DEFB116: variants seen among roughly 807,000 people sequenced by gnomAD.
DEFB116 encodes defensin beta 116, also known as beta-defensin 116.
Under a neutral mutation model 2.8 loss-of-function variants are expected in DEFB116, and 5 were observed. The ratio of observed to expected loss-of-function variants is 1.80; its 90% CI spans 0.94 to 3.79. The LOEUF is 3.79. Ranked by LOEUF, DEFB116 falls within the 30% of genes most tolerant of loss-of-function variation. The pLI is 0.00. For synonymous variants in DEFB116, 56 were observed against 40.8 expected (o/e 1.37, Z -1.42); for missense variants, 170 against 118.0 (o/e 1.44, Z -2.04).
chr20:31,303,548 G>A, intron 1 of DEFB116, 95 bp from the exon 2 acceptor site: 1 of 1,501,364 alleles, frequency 6.7e-7, no homozygotes, highest in Non-Finnish European at 8.9e-7. Context: ...ACTATTAAGG[G>A]CACAAGATCT....
chr20:31,303,730 T>A (rs1984934845), intron 1 of DEFB116, among the ~76,000 whole-genome samples: 1 of 152,102 alleles, frequency 6.6e-6, no homozygotes, highest in South Asian at 2.1e-4. Flanking sequence ...TATGTAGTAT[T>A]TTCAAAAAAG....
In DEFB116 at chr20:31,303,253, T is replaced by C; in HGVS notation, c.268A>G (p.Asn90Asp). ...NVKEDYDSNSNLSVTNSSSYS... is the reference protein window; with the variant it reads ...NVKEDYDSNSDLSVTNSSSYS... ...CTTGAACTGTTTGTAACTGACAAGT[T>C]GGAGTTAGAGTCGTAATCCTCCTTC... Residue 90 changes from asparagine to aspartate, a missense_variant, in exon 2 of 2, where the codon AAC becomes GAC. By Grantham distance (23) the Asn-to-Asp change is conservative (BLOSUM62 1). Transcript: ENST00000400549. 6.2e-7 allele frequency: 1 copy of C among 1,613,564 alleles called. No homozygotes were observed.
At chr20:31,306,886 G>T (rs1600470142) in intron 1 of DEFB116, among the ~76,000 whole-genome samples, 1 of 152,068 alleles carries the variant, frequency 6.6e-6, no homozygotes, top group Non-Finnish European at 1.5e-5. Context: ...CTCTATCTCA[G>T]CCATCTACAG....
At chr20:31,303,489 G>T in intron 1 of DEFB116, 36 bp from the exon 2 acceptor site, 1 of 1,610,290 alleles carries the variant, frequency 6.2e-7, no homozygotes, top group Non-Finnish European at 8.5e-7. Flanking sequence ...TTTCCATGCA[G>T]CAGTGATAAT....
At chr20:31,307,449 GAAACTATAAAACTCCTAGGAGA>G (rs1430666428) in intron 1 of DEFB116, among the ~76,000 whole-genome samples, 1 of 152,040 alleles carries the variant, frequency 6.6e-6, no homozygotes, top group Non-Finnish European at 1.5e-5. Flanking sequence ...TCTAAGACCT[GAAACTATAAAACTCCTAGGAGA>G]AAACATAGAG....
chr20:31,303,374 G>T lies in DEFB116; in HGVS notation c.147C>A (p.Asn49Lys), dbSNP rs1161720259. Reference sequence around the variant, plus strand: ...ATTGGATTTCATATTCTCTGCAGGCGTTTCTGCACATGCCTTGGTAAAGCT... The same window carrying T: ...ATTGGATTTCATATTCTCTGCAGGCTTTTCTGCACATGCCTTGGTAAAGCT... ...PCELYQGMCR[N>K]ACREYEIQYL... The change falls in exon 2 of 2, where the codon AAC (asparagine) becomes AAA (lysine). Residue 49 changes from asparagine to lysine, a missense_variant. By Grantham distance (94) the Asn-to-Lys change is moderately conservative (BLOSUM62 0). Coordinates refer to ENST00000400549, the MANE Select transcript of DEFB116 (RefSeq NM_001037731.1). 1.2e-6 allele frequency: 2 copies of T among 1,613,590 alleles called. No homozygotes were observed. Among genetic ancestry groups the T allele is most frequent in the Non-Finnish European group, 1.7e-6 (2 of 1,179,608 alleles).
rs1029945850 is a variant in DEFB116 at position 31,304,683 on chromosome 20, C to T, written c.68-1230G>A. Among the ~76,000 whole-genome samples, 7 of 152,028 alleles carry T rather than the reference C, an allele frequency of 4.6e-5. No homozygotes were observed. The South Asian group carries it at 1.2e-3, about 27-fold the overall frequency. On this transcript the variant is annotated intron_variant, in intron 1 of 1. Transcript: ENST00000400549. ...CACAGGGCCTTCTACAGATTTCAACCGAGTTCAAAATCCTTAGCTTGGCAT... is the reference window on the plus strand; with the variant it reads ...CACAGGGCCTTCTACAGATTTCAACTGAGTTCAAAATCCTTAGCTTGGCAT...
rs75307505 is a variant in DEFB116, at chr20:31,307,754, C to T, written c.67+765G>A. On this transcript the variant is annotated intron_variant, in intron 1 of 1. Coordinates refer to ENST00000400549, the MANE Select transcript of DEFB116 (RefSeq NM_001037731.1). ...TGTCTTACTCAAGCTTAATCACCCCCAAACCCAGGCTAAGTCAATCCCTGC... is the reference window on the plus strand; with the variant it reads ...TGTCTTACTCAAGCTTAATCACCCCTAAACCCAGGCTAAGTCAATCCCTGC... Among the ~76,000 whole-genome samples the T allele has an allele frequency of 3.0e-3, 454 of 152,206 alleles. 1 individual carries two copies. The Middle Eastern group carries it at 0.048, about 16-fold the overall frequency.
intron 1 of DEFB116, 135 bp from the exon 2 acceptor site, chr20:31,303,588 G>A (rs1194693522): frequency 7.8e-7 from 1 of 1,284,978 alleles, no homozygotes; most frequent in Non-Finnish European, 1.1e-6. Context: ...TTCAAATCTG[G>A]GCTCTGCCAT....
chr20:31,308,358 T>C (rs1421943753), intron 1 of DEFB116, among the ~76,000 whole-genome samples, 161 bp downstream of exon 1: 1 of 152,064 alleles, frequency 6.6e-6, no homozygotes, highest in Non-Finnish European at 1.5e-5. Context: ...GGGGAGATCT[T>C]TACATGAAAT....
At position 31,308,570 on chromosome 20, in the gene DEFB116, G is replaced by T. The variant is rs752652533; in HGVS notation, c.16C>A (p.Pro6Thr). Residue 6 changes from proline to threonine, a missense_variant, in exon 1 of 2, where the codon CCC (proline) becomes ACC (threonine). Coordinates refer to ENST00000400549, the MANE Select transcript of DEFB116 (RefSeq NM_001037731.1). MSVMK[P>T]CLMTIAILMI... ...AGGATGGCAATGGTCATTAAACAGG[G>T]CTTCATGACTGACATGTTCCACCAG... The T allele has an allele frequency of 2.5e-6, 4 of 1,613,496 alleles. No homozygotes were observed. The highest frequency in any genetic ancestry group is 3.4e-6 in the Non-Finnish European group (4 of 1,179,520).
At chr20:31,307,838 C>A (rs1170524935) in intron 1 of DEFB116, among the ~76,000 whole-genome samples, 1 of 151,996 alleles carries the variant, frequency 6.6e-6, no homozygotes, top group Non-Finnish European at 1.5e-5. Context: ...CAAACACTAA[C>A]TACAACTCAA....
Position 31,303,340 on chromosome 20 carries a change from A to T in DEFB116, c.181T>A (p.Cys61Ser), listed in dbSNP as rs376297387. 1 of 1,613,484 alleles carries T rather than the reference A, an allele frequency of 6.2e-7. No homozygotes were observed. Among genetic ancestry groups the T allele is most frequent in the African/African-American group, 1.3e-5 (1 of 74,872 alleles). ...CREYEIQYLT[C>S]PNDQKCCLKL... ...AGGCAGCACTTTTGATCATTTGGGC[A>T]GGTTAAGTATTGGATTTCATATTCT... Residue 61 changes from cysteine (C) to serine (S), a missense_variant, in exon 2 of 2, where the codon TGC becomes AGC. Transcript: ENST00000400549.
chr20:31,306,539 G>C (rs1347765649), intron 1 of DEFB116, among the ~76,000 whole-genome samples: 1 of 152,094 alleles, frequency 6.6e-6, no homozygotes, highest in Non-Finnish European at 1.5e-5. Flanking sequence ...AAACCCACTT[G>C]TGTTTTCTAC....
At chr20:31,305,720 G>A (rs1203970905) in intron 1 of DEFB116, among the ~76,000 whole-genome samples, 2 of 151,924 alleles carry the variant, frequency 1.3e-5, no homozygotes, top group Admixed American at 6.6e-5. Context: ...GTCTCTCCAT[G>A]TCAGAAAATG....
chr20:31,307,596 A>G (rs1985020741), intron 1 of DEFB116, among the ~76,000 whole-genome samples: 1 of 152,134 alleles, frequency 6.6e-6, no homozygotes, highest in African/African-American at 2.4e-5. Flanking sequence ...GTTTCTGCAC[A>G]GCAAAGGAAA....
At position 31,303,266 on chromosome 20, in the gene DEFB116, G is replaced by C; in HGVS notation, c.255C>G (p.Tyr85Ter). ...ITSSKNVKED[Y>*]DSNSNLSVTN... The stretch of plus-strand genomic sequence containing the variant: ...TAACTGACAAGTTGGAGTTAGAGTC[G>C]TAATCCTCCTTCACATTTTTAGAAC... The change falls in exon 2 of 2, where the codon TAC (tyrosine) becomes TAG (stop). Residue 85 changes from tyrosine (Y) to a stop codon, truncating the protein, a stop_gained. Coordinates refer to ENST00000400549, the MANE Select transcript of DEFB116 (RefSeq NM_001037731.1). LOFTEE classifies it low-confidence loss of function (END_TRUNC). 1.2e-6 allele frequency: 2 copies of C among 1,613,558 alleles called. No individual in the cohort carries two copies. The highest frequency in any genetic ancestry group is 1.7e-6 in the Non-Finnish European group (2 of 1,179,560).
At chr20:31,305,970 T>C (rs1280771495) in intron 1 of DEFB116, among the ~76,000 whole-genome samples, 1 of 152,092 alleles carries the variant, frequency 6.6e-6, no homozygotes, top group African/African-American at 2.4e-5. Flanking sequence ...CTGCCTAGCC[T>C]TCTCACATTC....
At chr20:31,305,195 G>A (rs750036410) in intron 1 of DEFB116, among the ~76,000 whole-genome samples, 22 of 152,032 alleles carry the variant, frequency 1.4e-4, no homozygotes, top group African/African-American at 4.8e-4. Flanking sequence ...CATGGGACCT[G>A]CACACTCTCT....
Sources: allele counts gnomAD v4.1 joint callset (sites outside exome capture counted in the v4.1 genomes callset), GRCh38; gene constraint gnomAD v4.1.1; transcripts MANE v1.5; gene names NCBI Gene and HGNC (gene_info 2026-07-23, HGNC 2026-07-21).